Variants in PLB1 observed in about 807,000 individuals in gnomAD.
The protein encoded by PLB1 is phospholipase B1, also known as phospholipase B1, membrane-associated.
A neutral mutation model predicts 227.4 loss-of-function variants in PLB1; 242 were observed. The observed-to-expected ratio is 1.06, with a 90% CI of 0.96 to 1.18. The LOEUF (loss-of-function observed/expected upper bound fraction) is 1.18, where lower values mean the gene tolerates loss of function less well. Among genes scored for constraint, PLB1 ranks in the 50% most tolerant of loss-of-function variants. PLB1 has a pLI of 0.00. For synonymous variants in PLB1, 757 were observed against 682.2 expected, an observed-to-expected ratio of 1.11 and a Z score of -1.71; for missense variants, 1,858 against 1,816.3, an observed-to-expected ratio of 1.02 and a Z score of -0.42.
At position 28,642,648 on chromosome 2, in the gene PLB1, G is replaced by A. The variant is rs182941223; in HGVS notation, c.4174-210G>A. ...AAACGCTGGTGAGAAACCAAAAGAA[G>A]GTTCTAGCTGGGTGTTGACCTCTTT... is the stretch of plus-strand genomic sequence containing the variant. On this transcript the variant is annotated intron_variant, in intron 57 of 57. Coordinates refer to ENST00000327757, the MANE Select transcript of PLB1 (RefSeq NM_153021.5). 5.9e-5 allele frequency among the ~76,000 whole-genome samples: 9 copies of A among 152,320 alleles called. No homozygotes were observed. In the East Asian group the frequency reaches 1.7e-3, roughly 29 times the overall value.
chr2:28,579,554 T>C, intron 22 of PLB1, 73 bp from the exon 23 acceptor site: 1 of 1,216,488 alleles, frequency 8.2e-7, no homozygotes, highest in Non-Finnish European at 1.2e-6. Context: ...TTTTCTAGTT[T>C]GCAAGCATTT....
intron 1 of PLB1, among the ~76,000 whole-genome samples, chr2:28,508,645 A>G (rs1048162807): frequency 7.2e-5 from 11 of 152,032 alleles, no homozygotes; most frequent in African/African-American, 9.7e-5. Context: ...ATCATTCAAA[A>G]CCACACAGGA....
chr2:28,529,106 C>A (rs939841373), intron 6 of PLB1, among the ~76,000 whole-genome samples: 2 of 152,052 alleles, frequency 1.3e-5, no homozygotes, highest in Non-Finnish European at 2.9e-5. Context: ...CACCACCACA[C>A]CCGGCTGATT....
At chr2:28,631,261 C>G (rs1395147074) in intron 54 of PLB1, among the ~76,000 whole-genome samples, 3 of 152,204 alleles carry the variant, frequency 2.0e-5, no homozygotes, top group Non-Finnish European at 4.4e-5. Context: ...CACCTCCACT[C>G]CTGCTTATGT....
intron 45 of PLB1, 52 bp downstream of exon 45, chr2:28,617,839 G>A: frequency 6.5e-7 from 1 of 1,545,626 alleles, no homozygotes; most frequent in East Asian, 2.2e-5. Context: ...CCGAATATCA[G>A]GTTGTGGGGA....
At chr2:28,602,800 C>T (rs755894751) in intron 38 of PLB1, 21 bp from the exon 39 acceptor site, 1 of 1,607,466 alleles carries the variant, frequency 6.2e-7, no homozygotes, top group Non-Finnish European at 8.5e-7. Flanking sequence ...GCCCCCCTCT[C>T]ATCTGCAGCT....
chr2:28,570,401 A>G (rs1354326977), intron 20 of PLB1, among the ~76,000 whole-genome samples: 1 of 152,228 alleles, frequency 6.6e-6, no homozygotes, highest in South Asian at 2.1e-4. Context: ...TTCTATGTCA[A>G]TAGGATAAAA....
In PLB1 at chr2:28,602,757, G is replaced by C; in HGVS notation, c.2674-64G>C. Reference sequence around the variant, plus strand: ...TTGCTAAAGGAACCCATTCCTAGGGGCCCTGAGACAGCCCCAGGAAGAAGT... The same window carrying C: ...TTGCTAAAGGAACCCATTCCTAGGGCCCCTGAGACAGCCCCAGGAAGAAGT... On this transcript the variant is annotated intron_variant, in intron 38 of 57. Transcript: ENST00000327757. 5.7e-6 allele frequency: 8 copies of C among 1,415,474 alleles called. No homozygotes were observed. In the Middle Eastern group the frequency reaches 1.2e-3, roughly 220 times the overall value. The allele number at this position is 1,415,474 out of a possible 1,614,324, so 87.7% of individuals were successfully genotyped here.
chr2:28,579,098 G>T (rs1292994475), intron 22 of PLB1, among the ~76,000 whole-genome samples: 1 of 152,220 alleles, frequency 6.6e-6, no homozygotes, highest in Non-Finnish European at 1.5e-5. Context: ...TGTGCTTAGA[G>T]CTGCCACCTT....
chr2:28,620,749 C>A, intron 48 of PLB1, 106 bp downstream of exon 48: 2 of 1,551,058 alleles, frequency 1.3e-6, no homozygotes, highest in South Asian at 2.2e-5. Context: ...GAAGGGAAGT[C>A]AGCCAGCCCT....
intron 20 of PLB1, among the ~76,000 whole-genome samples, chr2:28,569,430 G>A (rs1677621090): frequency 6.6e-6 from 1 of 152,032 alleles, no homozygotes; most frequent in South Asian, 2.1e-4. Context: ...ATCCATATTA[G>A]TAAAGGCAAT....
chr2:28,626,961 G>A (rs895843925), intron 51 of PLB1, among the ~76,000 whole-genome samples: 12 of 152,304 alleles, frequency 7.9e-5, no homozygotes, highest in African/African-American at 2.9e-4. Flanking sequence ...TGTTCCTGAT[G>A]TTTCCATGGG....
rs533785479 is a variant in PLB1 at position 28,601,333 on chromosome 2, G to T, written c.2607+1G>T. 70 of 1,613,536 alleles carry T rather than the reference G, an allele frequency of 4.3e-5. No homozygotes were observed. Among genetic ancestry groups the T allele is most frequent in the Middle Eastern group, 1.6e-4 (1 of 6,062 alleles). On this transcript the variant is annotated splice_donor_variant, in intron 37 of 57. Transcript: ENST00000327757. LOFTEE classifies it high-confidence loss of function. The stretch of plus-strand genomic sequence containing the variant: ...TTTATGTGACTACTGCACAGATTCG[G>T]TAATTGGGGCCAGGTCCAGGCCTAC...
At chr2:28,607,472 T>G (rs750541070) in intron 43 of PLB1, among the ~76,000 whole-genome samples, 6 of 152,106 alleles carry the variant, frequency 3.9e-5, no homozygotes, top group Non-Finnish European at 7.3e-5. Context: ...CAGTCTTGTG[T>G]GCCATCAGCC....
At chr2:28,562,540 C>CAAAAAAAAAAAAAAAAAAAAAAAAAAAAA (rs60393903) in intron 17 of PLB1, among the ~76,000 whole-genome samples, 1 of 42,606 alleles carries the variant, frequency 2.3e-5, no homozygotes, top group Non-Finnish European at 3.9e-5. Context: ...GACTCTGTCT[C>CAAAAAAAAAAAAAAAAAAAAAAAAAAAAA]AAAAAAAAAA....
In PLB1 at chr2:28,573,247, G is replaced by A. The variant is rs1233218238; in HGVS notation, c.1375G>A (p.Gly459Arg). 3.1e-6 allele frequency: 5 copies of A among 1,614,132 alleles called. No homozygotes were observed. The highest frequency in any genetic ancestry group is 1.1e-5 in the South Asian group (1 of 91,076). ...PSLKGFSVGT[G>R]KETSPNAFLN... ...CCTGAAGGGCTTCTCTGTTGGCACT[G>A]GGAAAGAAACCAGTCCTAATGCCTT... is the stretch of plus-strand genomic sequence containing the variant. Residue 459 changes from glycine (G) to arginine (R), a missense_variant, in exon 21 of 58, where the codon GGG becomes AGG. Gly to Arg is a moderately radical substitution (Grantham distance 125). Transcript: ENST00000327757.
intron 5 of PLB1, 144 bp downstream of exon 5, chr2:28,525,451 G>A (rs551687607): frequency 1.1e-6 from 1 of 932,306 alleles, no homozygotes; most frequent in African/African-American, 1.7e-5. Context: ...TAGCAGAGAA[G>A]CTCCCAGAAC....
At chr2:28,552,072 T>C (rs931962518) in intron 16 of PLB1, among the ~76,000 whole-genome samples, 7 of 152,158 alleles carry the variant, frequency 4.6e-5, no homozygotes, top group African/African-American at 1.7e-4. Flanking sequence ...GGTAGAGAAA[T>C]AGACAAGTCA....
At chr2:28,573,165 T>G in intron 20 of PLB1, 32 bp from the exon 21 acceptor site, 1 of 1,539,556 alleles carries the variant, frequency 6.5e-7, no homozygotes, top group African/African-American at 1.4e-5. Context: ...TTTGCAGTAG[T>G]CACTAAGCGT....
Sources: allele counts gnomAD v4.1 joint callset (sites outside exome capture counted in the v4.1 genomes callset), GRCh38; gene constraint gnomAD v4.1.1; transcripts MANE v1.5; gene names NCBI Gene and HGNC (gene_info 2026-07-23, HGNC 2026-07-21).